Variants in REPS1 observed in about 807,000 individuals in gnomAD.
The protein encoded by REPS1 is ralBP1-associated Eps domain-containing protein 1.
A neutral mutation model predicts 100.9 loss-of-function variants in REPS1; 39 were observed. The ratio of observed to expected loss-of-function variants is 0.39; its 90% CI spans 0.30 to 0.50. The LOEUF (loss-of-function observed/expected upper bound fraction) is 0.50, where lower values mean the gene tolerates loss of function less well. REPS1 is among the 20% of genes least tolerant of loss of function. The pLI, the probability that REPS1 is intolerant of heterozygous loss-of-function variation, is 0.86. For missense variants in REPS1, 821 were observed against 968.5 expected (o/e 0.85, Z 2.02); for synonymous variants, 324 against 340.3 (o/e 0.95, Z 0.53).
At chr6:138,917,705 T>G in intron 12 of REPS1, 78 bp from the exon 13 acceptor site, 1 of 1,160,408 alleles carries the variant, frequency 8.6e-7, no homozygotes. Flanking sequence ...CAAATATAAG[T>G]GATATGCTGT....
chr6:138,957,645 C>A (rs527823601), intron 1 of REPS1, among the ~76,000 whole-genome samples: 1 of 152,194 alleles, frequency 6.6e-6, no homozygotes, highest in South Asian at 2.1e-4. Flanking sequence ...TACAGAGCAA[C>A]CACTCCAGAT....
intron 15 of REPS1, among the ~76,000 whole-genome samples, chr6:138,913,164 A>C (rs752276014): frequency 6.6e-6 from 1 of 152,192 alleles, no homozygotes; most frequent in Non-Finnish European, 1.5e-5. Flanking sequence ...TAAGATGATA[A>C]ACCTCCAATA....
intron 1 of REPS1, among the ~76,000 whole-genome samples, chr6:138,950,608 C>T (rs574333676): frequency 6.6e-6 from 1 of 152,296 alleles, no homozygotes; most frequent in East Asian, 1.9e-4. Flanking sequence ...GTTTTGTATG[C>T]TAGTCCTGGA....
In REPS1 at chr6:138,947,957, T is replaced by C. The variant is rs774045496; in HGVS notation, c.154-44A>G. Reference sequence around the variant, plus strand: ...TTAACATTAAGATTCACAACAAAAATCTCCCTTCAAAAATAAGCAGCTACC... The same window carrying C: ...TTAACATTAAGATTCACAACAAAAACCTCCCTTCAAAAATAAGCAGCTACC... On this transcript the variant is annotated intron_variant, in intron 1 of 19. Transcript: ENST00000450536. The C allele has an allele frequency of 9.9e-6, 15 of 1,517,068 alleles. No homozygotes were observed. In the Admixed American group the frequency reaches 3.4e-4, roughly 34 times the overall value. The allele number at this position is 1,517,068 out of a possible 1,614,324, so 94.0% of individuals were successfully genotyped here.
chr6:138,978,139 A>G (rs1026398446), intron 1 of REPS1, among the ~76,000 whole-genome samples: 2 of 151,302 alleles, frequency 1.3e-5, no homozygotes, highest in African/African-American at 4.9e-5. Context: ...TTTTTCAAAT[A>G]TATTCTAGAT....
intron 8 of REPS1, among the ~76,000 whole-genome samples, chr6:138,931,779 T>C (rs1326746144): frequency 2.0e-5 from 3 of 151,988 alleles, no homozygotes; most frequent in Non-Finnish European, 4.4e-5. Context: ...AAAAAAAAAT[T>C]ATGAAACTTT....
At chr6:138,975,720 G>C (rs1026176568) in intron 1 of REPS1, among the ~76,000 whole-genome samples, 1 of 152,158 alleles carries the variant, frequency 6.6e-6, no homozygotes. Flanking sequence ...TGTAATCCCA[G>C]CTACTCGAGA....
intron 8 of REPS1, among the ~76,000 whole-genome samples, chr6:138,940,168 C>A (rs546435341): frequency 2.0e-5 from 3 of 152,116 alleles, no homozygotes; most frequent in Non-Finnish European, 4.4e-5. Flanking sequence ...ATTCCTTCTG[C>A]GTAATTTAGA....
At chr6:138,981,738 C>T (rs1220164999) in intron 1 of REPS1, among the ~76,000 whole-genome samples, 1 of 152,176 alleles carries the variant, frequency 6.6e-6, no homozygotes, top group East Asian at 1.9e-4. Context: ...CTATATCAGA[C>T]ATTCTGTGAT....
intron 8 of REPS1, among the ~76,000 whole-genome samples, chr6:138,932,420 T>C (rs1263545267): frequency 6.6e-6 from 1 of 151,942 alleles, no homozygotes; most frequent in Non-Finnish European, 1.5e-5. Flanking sequence ...CGACAAAATA[T>C]AGTTATTGTA....
chr6:138,920,294 T>C lies in REPS1; in HGVS notation c.1449A>G (p.Pro483=). ...AAAGGTCAGATGGTTTCACAAGTAA[T>C]GGGCTAGTGGGATTTGTATGATCTA... ...TGSDHTNPTS[P]LLVKPSDLLE... is the part of the protein sequence containing the mutation. The change falls in exon 12 of 20, where the codon CCA becomes CCG. Residue 483 remains proline, a synonymous_variant. Coordinates refer to ENST00000450536, the MANE Select transcript of REPS1 (RefSeq NM_001286611.2). 1 of 1,590,734 alleles carries C rather than the reference T, an allele frequency of 6.3e-7. No homozygotes were observed. Among genetic ancestry groups the C allele is most frequent in the Non-Finnish European group, 8.6e-7 (1 of 1,158,864 alleles).
chr6:138,954,552 A>G (rs1301890090), intron 1 of REPS1, among the ~76,000 whole-genome samples: 3 of 151,984 alleles, frequency 2.0e-5, no homozygotes, highest in African/African-American at 7.2e-5. Context: ...ATGTTTTAAG[A>G]AAGTTTACAA....
chr6:138,945,414 C>A, intron 3 of REPS1, 42 bp from the exon 4 acceptor site: 6 of 1,585,894 alleles, frequency 3.8e-6, no homozygotes, highest in Non-Finnish European at 5.1e-6. Context: ...TTTAAGGAGA[C>A]ATTTTAATTA....
intron 1 of REPS1, among the ~76,000 whole-genome samples, chr6:138,973,112 G>C (rs533965837): frequency 3.9e-5 from 6 of 152,156 alleles, no homozygotes; most frequent in Non-Finnish European, 7.4e-5. Context: ...ATAACCTAAA[G>C]TACAAATTGT....
chr6:138,921,732 C>T (rs1257891633), intron 10 of REPS1, among the ~76,000 whole-genome samples: 1 of 151,966 alleles, frequency 6.6e-6, no homozygotes, highest in East Asian at 1.9e-4. Flanking sequence ...CACCTGCCAC[C>T]ATGCCCGGCT....
chr6:138,939,184 T>C (rs1042787797), intron 8 of REPS1, among the ~76,000 whole-genome samples: 1 of 152,194 alleles, frequency 6.6e-6, no homozygotes, highest in Non-Finnish European at 1.5e-5. Context: ...AAATATATCA[T>C]TTGTAAATAT....
chr6:138,929,856 T>A (rs1341651027), intron 9 of REPS1, 121 bp downstream of exon 9: 6 of 905,498 alleles, frequency 6.6e-6, no homozygotes, highest in Non-Finnish European at 1.0e-5. Context: ...TCATAGTATA[T>A]CTGATATGTT....
At chr6:138,955,369 G>A (rs776694671) in intron 1 of REPS1, among the ~76,000 whole-genome samples, 44 of 150,678 alleles carry the variant, frequency 2.9e-4, no homozygotes, top group Non-Finnish European at 5.5e-4. Context: ...GATCATTTGA[G>A]CCCAGGAGCT....
At chr6:138,972,938 AATGTACTG>A (rs1784415614) in intron 1 of REPS1, among the ~76,000 whole-genome samples, 1 of 152,204 alleles carries the variant, frequency 6.6e-6, no homozygotes, top group Non-Finnish European at 1.5e-5. Context: ...AGCACCCATC[AATGTACTG>A]ATGAGGAATG....
Sources: gnomAD v4.1 joint callset for allele counts (sites outside exome capture counted in the v4.1 genomes callset) on GRCh38, gnomAD v4.1.1 for gene constraint, MANE v1.5 for transcripts, NCBI Gene and HGNC (gene_info 2026-07-23, HGNC 2026-07-21) for gene names.